The following FARP1 variants were observed in gnomAD, a reference collection of about 807,000 sequenced individuals.
FARP1 encodes FERM, ARHGEF and pleckstrin domain-containing protein 1.
In FARP1, 52 loss-of-function variants were observed where a neutral mutation model predicts 128.8. The observed-to-expected ratio is 0.40, with a 90% confidence interval of 0.32 to 0.51. FARP1 has a LOEUF of 0.51. Among genes scored for constraint, FARP1 ranks in the 20% least tolerant of loss-of-function variants. FARP1 has a pLI of 0.45. For missense variants in FARP1, 1,333 were observed against 1,367.9 expected (o/e 0.97, Z 0.40); for synonymous variants, 580 against 551.8 (o/e 1.05, Z -0.72).
intron 11 of FARP1, among the ~76,000 whole-genome samples, chr13:98,392,810 T>C (rs1890365132): frequency 6.8e-6 from 1 of 146,782 alleles, no homozygotes; most frequent in Non-Finnish European, 1.5e-5. Context: ...ATAAATGTCA[T>C]GTTCAGGAGG....
intron 17 of FARP1, among the ~76,000 whole-genome samples, chr13:98,429,790 C>T (rs1279114220): frequency 2.0e-5 from 3 of 152,140 alleles, no homozygotes; most frequent in Admixed American, 6.5e-5. Flanking sequence ...GATCTGGTGC[C>T]GCATTTTCCT....
At chr13:98,429,825 G>A (rs1594526445) in intron 17 of FARP1, among the ~76,000 whole-genome samples, 1 of 152,210 alleles carries the variant, frequency 6.6e-6, no homozygotes, top group South Asian at 2.1e-4. Context: ...ACTCGCCTGT[G>A]CCAGATACTA....
intron 2 of FARP1, among the ~76,000 whole-genome samples, chr13:98,306,129 G>A (rs972060343): frequency 2.6e-5 from 4 of 152,132 alleles, no homozygotes; most frequent in African/African-American, 9.7e-5. Context: ...TGATTGCAAC[G>A]TTTGCGCTTT....
chr13:98,220,031 AG>A (rs1438857734), intron 2 of FARP1, among the ~76,000 whole-genome samples: 2 of 129,312 alleles, frequency 1.5e-5, no homozygotes, highest in African/African-American at 6.5e-5. Context: ...GGTAAGCTGA[AG>A]AAAGTATTTT....
At chr13:98,442,482 C>T (rs1892565238) in intron 24 of FARP1, among the ~76,000 whole-genome samples, 1 of 152,216 alleles carries the variant, frequency 6.6e-6, no homozygotes, top group Admixed American at 6.5e-5. Flanking sequence ...ACGGGCACAG[C>T]CTTTCTTCCC....
intron 1 of FARP1, among the ~76,000 whole-genome samples, chr13:98,155,037 A>G (rs1209233889): frequency 1.3e-5 from 2 of 152,126 alleles, no homozygotes; most frequent in Non-Finnish European, 2.9e-5. Flanking sequence ...GCAAGACCCC[A>G]TCTCTATTTT....
chr13:98,387,455 T>C (rs997698323), intron 8 of FARP1, among the ~76,000 whole-genome samples: 1 of 152,202 alleles, frequency 6.6e-6, no homozygotes, highest in Admixed American at 6.5e-5. Flanking sequence ...TCCCTAAGTA[T>C]TGGGAATACC....
At chr13:98,396,540 C>T (rs1277925106) in intron 13 of FARP1, 1 of 398,922 alleles carries the variant, frequency 2.5e-6, no homozygotes, top group Admixed American at 4.4e-5. Flanking sequence ...GTCACGAGAC[C>T]AGGGTTTCCC....
rs201926092 is a variant in FARP1, at chr13:98,440,851, G to A, written c.2796+15G>A. Reference sequence around the variant, plus strand: ...TCGCAGTGGAGGTACGCAGGGGCAGGGCAGCTCTGGTTCCCAGCTTGTGCT... The same window carrying A: ...TCGCAGTGGAGGTACGCAGGGGCAGAGCAGCTCTGGTTCCCAGCTTGTGCT... On this transcript the variant is annotated intron_variant, in intron 24 of 26. Transcript: ENST00000319562. The A allele has an allele frequency of 1.3e-6, 2 of 1,580,780 alleles. No homozygotes were observed. The highest frequency in any genetic ancestry group is 3.6e-5 in the Admixed American group (2 of 55,220).
At chr13:98,260,796 A>C (rs572477730) in intron 2 of FARP1, among the ~76,000 whole-genome samples, 1 of 152,284 alleles carries the variant, frequency 6.6e-6, no homozygotes, top group South Asian at 2.1e-4. Context: ...TCAACTTCTC[A>C]TCTGCTTCTC....
At chr13:98,340,305 C>A (rs1403585208) in intron 2 of FARP1, among the ~76,000 whole-genome samples, 1 of 152,088 alleles carries the variant, frequency 6.6e-6, no homozygotes, top group African/African-American at 2.4e-5. Flanking sequence ...ATGTGTTCTT[C>A]CTTTAAAAGA....
At chr13:98,180,905 A>C (rs541576761) in intron 1 of FARP1, among the ~76,000 whole-genome samples, 5 of 152,220 alleles carry the variant, frequency 3.3e-5, no homozygotes, top group Non-Finnish European at 7.4e-5. Context: ...ATAATGATCA[A>C]TTGTATGAGT....
chr13:98,143,804 C>A (rs1410064133), intron 1 of FARP1, among the ~76,000 whole-genome samples: 1 of 151,828 alleles, frequency 6.6e-6, no homozygotes, highest in Non-Finnish European at 1.5e-5. Context: ...CCTCCCCCGA[C>A]CCCGGCGCCC....
At chr13:98,271,888 A>G (rs985447910) in intron 2 of FARP1, among the ~76,000 whole-genome samples, 1 of 152,190 alleles carries the variant, frequency 6.6e-6, no homozygotes. Flanking sequence ...TAGTGCTGCA[A>G]TAAATGTACG....
intron 1 of FARP1, among the ~76,000 whole-genome samples, chr13:98,163,713 CTTTTT>C (rs11440645): frequency 1.5e-4 from 22 of 144,018 alleles, no homozygotes; most frequent in African/African-American, 5.4e-4. Context: ...ATGGCCTTTT[CTTTTT>C]TTTTTTTGAG....
intron 16 of FARP1, among the ~76,000 whole-genome samples, chr13:98,424,125 A>G (rs1048085383): frequency 5.3e-5 from 8 of 152,186 alleles, no homozygotes; most frequent in Non-Finnish European, 7.3e-5. Context: ...AGAAGCAGAA[A>G]CCTTCCTCTG....
intron 1 of FARP1, among the ~76,000 whole-genome samples, chr13:98,202,370 C>G (rs564986364): frequency 6.6e-6 from 1 of 152,256 alleles, no homozygotes; most frequent in Non-Finnish European, 1.5e-5. Flanking sequence ...TCTTTGCTTT[C>G]AACATGGGGC....
intron 1 of FARP1, among the ~76,000 whole-genome samples, chr13:98,151,120 C>G (rs1220660476): frequency 8.6e-5 from 13 of 151,902 alleles, no homozygotes; most frequent in Non-Finnish European, 1.5e-4. Flanking sequence ...TCTGTCCCTT[C>G]TTCATTATGA....
chr13:98,392,323 C>CAAAAAAAAAAAAAAAAAA (rs11289484), intron 11 of FARP1, among the ~76,000 whole-genome samples: 15 of 60,422 alleles, frequency 2.5e-4, no homozygotes, highest in African/African-American at 3.9e-4. Context: ...CATCTCTACC[C>CAAAAAAAAAAAAAAAAAA]AAAAAAAAAA....
Sources: gnomAD v4.1 joint callset for allele counts (sites outside exome capture counted in the v4.1 genomes callset) on GRCh38, gnomAD v4.1.1 for gene constraint, MANE v1.5 for transcripts, NCBI Gene and HGNC (gene_info 2026-07-23, HGNC 2026-07-21) for gene names.